Variants in TNIK observed in about 807,000 individuals in gnomAD.
TNIK encodes the protein TRAF2 and NCK interacting kinase, also known as TRAF2 and NCK-interacting protein kinase.
TNIK carries 49 observed loss-of-function variants against 191.3 expected under a neutral mutation model. That is an observed-to-expected ratio of 0.26 (90% CI 0.20 to 0.32). The LOEUF is 0.32. Among genes scored for constraint, TNIK ranks in the 10% least tolerant of loss-of-function variants. TNIK has a pLI of 1.00. For synonymous variants in TNIK, 594 were observed against 600.9 expected (o/e 0.99, Z 0.17); for missense variants, 1,155 against 1,702.3 (o/e 0.68, Z 5.66).
chr3:171,326,980 A>C (rs2108352913), intron 2 of TNIK, among the ~76,000 whole-genome samples: 1 of 152,212 alleles, frequency 6.6e-6, no homozygotes, highest in African/African-American at 2.4e-5. Context: ...TGCCCCTGAA[A>C]ACCCCTGCTG....
At chr3:171,334,479 C>G (rs1022610735) in intron 2 of TNIK, among the ~76,000 whole-genome samples, 2 of 152,326 alleles carry the variant, frequency 1.3e-5, no homozygotes, top group East Asian at 3.9e-4. Context: ...GGACCTAGAG[C>G]TGATTCATGG....
At chr3:171,397,449 G>C (rs1007605604) in intron 1 of TNIK, among the ~76,000 whole-genome samples, 1 of 152,218 alleles carries the variant, frequency 6.6e-6, no homozygotes, top group Non-Finnish European at 1.5e-5. Context: ...TGCTCAGAGA[G>C]ATGTAGACTA....
At chr3:171,084,675 A>G (rs1347762177) in intron 25 of TNIK, among the ~76,000 whole-genome samples, 4 of 152,216 alleles carry the variant, frequency 2.6e-5, no homozygotes, top group Non-Finnish European at 5.9e-5. Context: ...GCTGACTTTG[A>G]TGATTAATTA....
chr3:171,174,649 C>T (rs1157269534), intron 9 of TNIK, among the ~76,000 whole-genome samples: 1 of 152,136 alleles, frequency 6.6e-6, no homozygotes, highest in African/African-American at 2.4e-5. Context: ...ACCACTCATA[C>T]TAGTATTCAT....
chr3:171,321,793 A>T (rs1755190936), intron 2 of TNIK, among the ~76,000 whole-genome samples: 1 of 152,230 alleles, frequency 6.6e-6, no homozygotes, highest in Non-Finnish European at 1.5e-5. Flanking sequence ...TATCCCTCAG[A>T]GCCACTATTT....
chr3:171,105,165 A>G (rs1477106972), intron 21 of TNIK, among the ~76,000 whole-genome samples: 5 of 152,230 alleles, frequency 3.3e-5, no homozygotes, highest in Non-Finnish European at 7.3e-5. Flanking sequence ...AATCCCAGTT[A>G]TCTAAATTGC....
chr3:171,242,335 T>C (rs1560310459), intron 2 of TNIK, among the ~76,000 whole-genome samples: 2 of 152,168 alleles, frequency 1.3e-5, no homozygotes. Context: ...TTCCTCATTT[T>C]CAATTGTGAA....
At chr3:171,369,373 C>T (rs544419678) in intron 2 of TNIK, among the ~76,000 whole-genome samples, 2 of 152,248 alleles carry the variant, frequency 1.3e-5, no homozygotes, top group Non-Finnish European at 2.9e-5. Context: ...CAAATATGTG[C>T]CATCAGAATT....
In TNIK at chr3:171,400,869, G is replaced by T. The variant is rs558788056; in HGVS notation, c.58-31184C>A. On this transcript the variant is annotated intron_variant, in intron 1 of 32. Coordinates refer to ENST00000436636, the MANE Select transcript of TNIK (RefSeq NM_015028.4). ...CGTCCTTCGGATTTGGCTTCTACTG[G>T]TGCTGATGATCTCTACCAGATTCAG... 3.2e-3 allele frequency among the ~76,000 whole-genome samples: 486 copies of T among 152,282 alleles called. 2 individuals are homozygous for T. The highest frequency in any genetic ancestry group is 0.014 in the South Asian group (66 of 4,822).
At chr3:171,410,207 G>A (rs1722201826) in intron 1 of TNIK, among the ~76,000 whole-genome samples, 1 of 152,122 alleles carries the variant, frequency 6.6e-6, no homozygotes, top group Admixed American at 6.5e-5. Flanking sequence ...TGCTATGCTA[G>A]AAAACAAACC....
At chr3:171,209,245 T>C (rs1298318705) in intron 4 of TNIK, among the ~76,000 whole-genome samples, 2 of 152,288 alleles carry the variant, frequency 1.3e-5, no homozygotes, top group South Asian at 2.1e-4. Context: ...ATTTCTATTG[T>C]TAGTAAGAAT....
At chr3:171,160,378 T>C (rs551884959) in intron 11 of TNIK, among the ~76,000 whole-genome samples, 7 of 152,004 alleles carry the variant, frequency 4.6e-5, no homozygotes, top group Non-Finnish European at 8.8e-5. Flanking sequence ...GCTGGCCCCT[T>C]TTCTGGTCAG....
At chr3:171,140,817 A>G (rs115060596) in intron 12 of TNIK, among the ~76,000 whole-genome samples, 4 of 152,240 alleles carry the variant, frequency 2.6e-5, no homozygotes, top group East Asian at 1.9e-4. Context: ...GAAAACACCA[A>G]TGCAAAACAG....
chr3:171,151,234 G>A (rs899319516), intron 12 of TNIK, among the ~76,000 whole-genome samples: 6 of 152,146 alleles, frequency 3.9e-5, no homozygotes, highest in East Asian at 1.9e-4. Flanking sequence ...ACCTCTACAC[G>A]AACCTAAAGC....
At chr3:171,151,559 G>A (rs1247263837) in intron 12 of TNIK, among the ~76,000 whole-genome samples, 1 of 152,120 alleles carries the variant, frequency 6.6e-6, no homozygotes, top group Non-Finnish European at 1.5e-5. Context: ...AGCCCTGTGA[G>A]GTAAATGCTA....
chr3:171,346,645 C>A (rs1014844916), intron 2 of TNIK, among the ~76,000 whole-genome samples: 1 of 152,048 alleles, frequency 6.6e-6, no homozygotes, highest in Non-Finnish European at 1.5e-5. Context: ...AAAGCCCAAA[C>A]GGGGCCTGGG....
At chr3:171,386,390 T>G (rs893293598) in intron 1 of TNIK, among the ~76,000 whole-genome samples, 1 of 152,196 alleles carries the variant, frequency 6.6e-6, no homozygotes, top group Non-Finnish European at 1.5e-5. Flanking sequence ...TTTAATATGT[T>G]AAATTAAACA....
At chr3:171,301,467 G>C (rs996007281) in intron 2 of TNIK, among the ~76,000 whole-genome samples, 1 of 151,842 alleles carries the variant, frequency 6.6e-6, no homozygotes, top group Non-Finnish European at 1.5e-5. Context: ...TGTATACACC[G>C]CCATGCCTGG....
chr3:171,119,287 A>G (rs1026296225), intron 18 of TNIK, among the ~76,000 whole-genome samples: 4 of 152,226 alleles, frequency 2.6e-5, no homozygotes, highest in Non-Finnish European at 5.9e-5. Context: ...AAAGTCAGGA[A>G]ACAACACGTC....
Sources: allele counts gnomAD v4.1 joint callset (sites outside exome capture counted in the v4.1 genomes callset), GRCh38; gene constraint gnomAD v4.1.1; transcripts MANE v1.5; gene names NCBI Gene and HGNC (gene_info 2026-07-23, HGNC 2026-07-21).